The following SRBD1 variants were observed in gnomAD, a reference collection of about 807,000 sequenced individuals.
The protein encoded by SRBD1 is S1 RNA-binding domain-containing protein 1.
Under a neutral mutation model 115.3 loss-of-function variants are expected in SRBD1, and 88 were observed. That is an observed-to-expected ratio of 0.76 (90% confidence interval 0.64 to 0.91). SRBD1 has a LOEUF of 0.91. SRBD1 is among the 40% of genes least tolerant of loss of function. The probability of loss-of-function intolerance (pLI) is 0.00; values close to 1 mark genes in which losing one functional copy is unlikely to be tolerated. For missense variants in SRBD1, 1,385 were observed against 1,177.4 expected, an observed-to-expected ratio of 1.18 and a Z score of -2.58; for synonymous variants, 509 against 407.7, an observed-to-expected ratio of 1.25 and a Z score of -2.99.
chr2:45,502,159 G>C (rs1670653802), intron 14 of SRBD1, among the ~76,000 whole-genome samples: 3 of 152,174 alleles, frequency 2.0e-5, no homozygotes, highest in Admixed American at 2.0e-4. Context: ...AGCCTCTGCT[G>C]CTGATACCCA....
At chr2:45,456,028 G>GA (rs970466908) in intron 16 of SRBD1, among the ~76,000 whole-genome samples, 34 of 147,900 alleles carry the variant, frequency 2.3e-4, no homozygotes, top group African/African-American at 4.4e-4. Context: ...CTGTGAACCA[G>GA]AAAAAAAAAA....
intron 18 of SRBD1, among the ~76,000 whole-genome samples, chr2:45,417,484 T>C (rs770971210): frequency 9.2e-5 from 14 of 152,230 alleles, no homozygotes; most frequent in Non-Finnish European, 1.8e-4. Flanking sequence ...CACAGCTTTA[T>C]AATGTATTCT....
At chr2:45,585,830 A>ATT (rs1673504392) in intron 4 of SRBD1, 56 bp from the exon 5 acceptor site, 1 of 1,371,952 alleles carries the variant, frequency 7.3e-7, no homozygotes, top group African/African-American at 1.5e-5. Flanking sequence ...CATCTATATC[A>ATT]TGTATAATTT....
chr2:45,391,689 G>C (rs374365862), intron 20 of SRBD1, among the ~76,000 whole-genome samples: 4 of 152,254 alleles, frequency 2.6e-5, no homozygotes, highest in African/African-American at 9.6e-5. Flanking sequence ...GCTCAGTCCA[G>C]AGCCCAGATG....
intron 4 of SRBD1, among the ~76,000 whole-genome samples, chr2:45,591,899 G>C (rs1673737219): frequency 6.6e-6 from 1 of 152,192 alleles, no homozygotes; most frequent in African/African-American, 2.4e-5. Flanking sequence ...AAATGGTGGA[G>C]TATGACCTTC....
At chr2:45,527,359 T>C (rs1194605543) in intron 14 of SRBD1, among the ~76,000 whole-genome samples, 1 of 151,854 alleles carries the variant, frequency 6.6e-6, no homozygotes, top group Non-Finnish European at 1.5e-5. Context: ...GGCTATATAT[T>C]AAATGTTATG....
In SRBD1 at chr2:45,547,468, T is replaced by C. The variant is rs1672155910; in HGVS notation, c.1766+54A>G. 4 of 1,487,586 alleles carry C rather than the reference T, an allele frequency of 2.7e-6. No homozygotes were observed. In the South Asian group the frequency reaches 4.7e-5, roughly 17 times the overall value. The allele number at this position is 1,487,586 out of a possible 1,614,324, so 92.1% of individuals were successfully genotyped here. On this transcript the variant is annotated intron_variant, in intron 13 of 20. Coordinates refer to ENST00000263736, the MANE Select transcript of SRBD1 (RefSeq NM_018079.5). ...CCCTCCAAATTAGGGGCTTCAAAGG[T>C]ATCTCTGGTTGACTGAGCCACTGAT...
intron 19 of SRBD1, among the ~76,000 whole-genome samples, chr2:45,409,247 T>TC (rs1284673892): frequency 1.3e-5 from 2 of 151,776 alleles, no homozygotes; most frequent in African/African-American, 2.4e-5. Context: ...ATTCTCCCCC[T>TC]CCCCCCAAAA....
chr2:45,603,146 C>G (rs1674153287), intron 2 of SRBD1, among the ~76,000 whole-genome samples: 1 of 152,212 alleles, frequency 6.6e-6, no homozygotes, highest in South Asian at 2.1e-4. Context: ...GTCTCATCAC[C>G]TATCAACCAG....
At chr2:45,424,871 TTAA>T (rs1319993018) in intron 16 of SRBD1, among the ~76,000 whole-genome samples, 1 of 152,208 alleles carries the variant, frequency 6.6e-6, no homozygotes, top group African/African-American at 2.4e-5. Flanking sequence ...TTCACTGCCC[TTAA>T]ATAGAGTGAG....
intron 3 of SRBD1, among the ~76,000 whole-genome samples, chr2:45,601,256 T>C (rs1016015342): frequency 6.6e-6 from 1 of 152,242 alleles, no homozygotes; most frequent in Non-Finnish European, 1.5e-5. Context: ...TCCATGCTCA[T>C]CAAGTAAATT....
chr2:45,474,416 G>A (rs72880670), intron 16 of SRBD1, among the ~76,000 whole-genome samples: 2,038 of 152,298 alleles, frequency 0.013, 48 homozygotes, highest in African/African-American at 0.047. Flanking sequence ...CAGGTGTCAT[G>A]TACATGGCAG....
At chr2:45,483,011 T>C (rs1670013777) in intron 15 of SRBD1, among the ~76,000 whole-genome samples, 1 of 152,128 alleles carries the variant, frequency 6.6e-6, no homozygotes, top group African/African-American at 2.4e-5. Context: ...GTTGAATCCG[T>C]GGGCACGTGC....
intron 7 of SRBD1, among the ~76,000 whole-genome samples, chr2:45,576,712 A>T (rs1469076439): frequency 2.6e-5 from 4 of 152,190 alleles, no homozygotes; most frequent in African/African-American, 9.7e-5. Context: ...ACCATTCACA[A>T]GAACTAATTC....
intron 14 of SRBD1, among the ~76,000 whole-genome samples, chr2:45,538,009 A>T (rs890270355): frequency 4.6e-5 from 7 of 152,186 alleles, no homozygotes; most frequent in African/African-American, 1.7e-4. Context: ...GGTATGAGCC[A>T]AATGGGCCTG....
chr2:45,593,723 A>G (rs1303724501), intron 4 of SRBD1, among the ~76,000 whole-genome samples: 2 of 152,034 alleles, frequency 1.3e-5, no homozygotes, highest in East Asian at 3.8e-4. Context: ...GCGACTGGCC[A>G]CCTCCCCTCT....
At chr2:45,446,510 G>A (rs1417269973) in intron 16 of SRBD1, among the ~76,000 whole-genome samples, 2 of 152,114 alleles carry the variant, frequency 1.3e-5, no homozygotes, top group Non-Finnish European at 2.9e-5. Flanking sequence ...AAGGATTGGG[G>A]ATCCTTTTCC....
intron 14 of SRBD1, among the ~76,000 whole-genome samples, chr2:45,493,197 A>AT (rs1402110906): frequency 1.3e-5 from 2 of 152,250 alleles, no homozygotes; most frequent in Non-Finnish European, 2.9e-5. Context: ...ACTGAGAAAC[A>AT]TATCGTGAGA....
intron 16 of SRBD1, among the ~76,000 whole-genome samples, chr2:45,420,990 A>G (rs1434652498): frequency 6.6e-6 from 1 of 152,216 alleles, no homozygotes; most frequent in Non-Finnish European, 1.5e-5. Flanking sequence ...TTATTAACAG[A>G]AGACATTTTG....
Sources: gnomAD v4.1 joint callset for allele counts (sites outside exome capture counted in the v4.1 genomes callset) on GRCh38, gnomAD v4.1.1 for gene constraint, MANE v1.5 for transcripts, NCBI Gene and HGNC (gene_info 2026-07-23, HGNC 2026-07-21) for gene names.